The following APIP variants were observed in gnomAD, a reference collection of about 807,000 sequenced individuals.
The protein encoded by APIP is methylthioribulose-1-phosphate dehydratase.
Under a neutral mutation model 32.0 loss-of-function variants are expected in APIP, and 32 were observed. That is an observed-to-expected ratio of 1.00 (90% CI 0.76 to 1.34). APIP has a LOEUF of 1.34. APIP is among the 40% of genes most tolerant of loss of function. The probability of loss-of-function intolerance (pLI) is 0.00; values close to 1 mark genes in which losing one functional copy is unlikely to be tolerated. For missense variants in APIP, 247 were observed against 298.6 expected, an observed-to-expected ratio of 0.83 and a Z score of 1.27; for synonymous variants, 92 against 94.8, an observed-to-expected ratio of 0.97 and a Z score of 0.17.
intron 1 of APIP, among the ~76,000 whole-genome samples, chr11:34,907,894 G>C (rs1310368310): frequency 3.3e-5 from 5 of 151,908 alleles, no homozygotes; most frequent in Non-Finnish European, 7.4e-5. Flanking sequence ...GTTATTTTAA[G>C]GAAATCAGCC....
chr11:34,913,780 AT>A (rs1481830367), intron 1 of APIP, among the ~76,000 whole-genome samples: 1 of 152,138 alleles, frequency 6.6e-6, no homozygotes, highest in Non-Finnish European at 1.5e-5. Context: ...CAAAGAGCTG[AT>A]TGGTGGGTTT....
At chr11:34,895,762 A>AGAT (rs397765479) in intron 1 of APIP, among the ~76,000 whole-genome samples, 38 of 151,964 alleles carry the variant, frequency 2.5e-4, no homozygotes, top group Non-Finnish European at 2.2e-4. Context: ...ACAGACAGAT[A>AGAT]AATATCAAGT....
At chr11:34,889,107 CAG>C (rs1280461055) in intron 3 of APIP, among the ~76,000 whole-genome samples, 1 of 151,714 alleles carries the variant, frequency 6.6e-6, no homozygotes, top group Non-Finnish European at 1.5e-5. Context: ...AGAAATAAAA[CAG>C]TGATTTCTAC....
chr11:34,906,780 G>C (rs78784327), intron 1 of APIP, among the ~76,000 whole-genome samples: 6,361 of 152,260 alleles, frequency 0.042, 193 homozygotes, highest in Non-Finnish European at 0.067. Context: ...GAACACGCAG[G>C]CTTCAGCCCC....
intron 1 of APIP, among the ~76,000 whole-genome samples, chr11:34,898,941 G>C (rs1237711066): frequency 1.3e-5 from 2 of 152,006 alleles, no homozygotes; most frequent in Non-Finnish European, 2.9e-5. Flanking sequence ...TGGGACTACA[G>C]GCGCCCGCCA....
intron 1 of APIP, among the ~76,000 whole-genome samples, chr11:34,911,052 A>C (rs1302005057): frequency 3.9e-5 from 6 of 152,228 alleles, no homozygotes; most frequent in Admixed American, 3.9e-4. Context: ...GGACTGTCAC[A>C]TGCTACTCAG....
At chr11:34,908,355 C>T (rs1272871911) in intron 1 of APIP, among the ~76,000 whole-genome samples, 2 of 152,212 alleles carry the variant, frequency 1.3e-5, no homozygotes, top group African/African-American at 2.4e-5. Flanking sequence ...ACTTATTTTC[C>T]TGACACTGGG....
intron 1 of APIP, among the ~76,000 whole-genome samples, chr11:34,899,069 G>T (rs1418051556): frequency 6.6e-6 from 1 of 151,380 alleles, no homozygotes; most frequent in Non-Finnish European, 1.5e-5. Context: ...AAAGTGCTGG[G>T]ATTACAAGCC....
intron 1 of APIP, among the ~76,000 whole-genome samples, chr11:34,912,833 T>TTA (rs1853578688): frequency 6.6e-6 from 1 of 152,070 alleles, no homozygotes; most frequent in Non-Finnish European, 1.5e-5. Context: ...AAACTTCCCT[T>TTA]TATATATATA....
intron 1 of APIP, among the ~76,000 whole-genome samples, chr11:34,901,569 A>C (rs1305540294): frequency 6.6e-6 from 1 of 152,202 alleles, no homozygotes; most frequent in Non-Finnish European, 1.5e-5. Context: ...GTATGACTAT[A>C]AGGGGTGTCT....
rs555684973 is a variant in APIP, at chr11:34,908,730, T to G, written c.57+7498A>C. 4.6e-5 allele frequency among the ~76,000 whole-genome samples: 7 copies of G among 152,332 alleles called. No individual in the cohort carries two copies. The South Asian group carries it at 1.4e-3, about 32-fold the overall frequency. ...CCAGTAGTCTGTTCTATGTTGGTAT[T>G]TCTTATATCTGTCTTAATGAAGGAC... is the stretch of plus-strand genomic sequence containing the variant. On this transcript the variant is annotated intron_variant, in intron 1 of 6. Coordinates refer to ENST00000395787, the MANE Select transcript of APIP (RefSeq NM_015957.4).
intron 1 of APIP, among the ~76,000 whole-genome samples, chr11:34,910,815 A>C (rs960766146): frequency 5.9e-5 from 9 of 152,154 alleles, no homozygotes; most frequent in Non-Finnish European, 1.3e-4. Flanking sequence ...AGGCAGAGCC[A>C]GAATTTGAAC....
At chr11:34,915,923 T>G in intron 1 of APIP, 1 of 485,078 alleles carries the variant, frequency 2.1e-6, no homozygotes, top group Non-Finnish European at 3.6e-6. Flanking sequence ...TGGCCTGCCT[T>G]CCTGATAAAT....
At chr11:34,894,904 A>T (rs1036197546) in intron 2 of APIP, 106 bp downstream of exon 2, 4 of 962,306 alleles carry the variant, frequency 4.2e-6, no homozygotes, top group Non-Finnish European at 6.5e-6. Flanking sequence ...GACCTTCAGT[A>T]TCACATAAAA....
intron 2 of APIP, 94 bp from the exon 3 acceptor site, chr11:34,890,646 T>C: frequency 7.5e-7 from 1 of 1,333,822 alleles, no homozygotes; most frequent in Non-Finnish European, 1.0e-6. Flanking sequence ...TCTTTATAAA[T>C]CAAGCAATAC....
At chr11:34,888,025 A>C (rs2985391) in intron 5 of APIP, among the ~76,000 whole-genome samples, 91,282 of 151,922 alleles carry the variant, frequency 0.6, 28,455 homozygotes, top group East Asian at 0.74. Context: ...CATGATAGAG[A>C]TCTCAGTCAA....
chr11:34,916,244 C>G lies in APIP; in HGVS notation c.41G>C (p.Arg14Pro). The change falls in exon 1 of 7, where the codon CGG becomes CCG. Residue 14 changes from arginine (R) to proline (P), a missense_variant. Arg to Pro is a moderately radical substitution (Grantham distance 103, BLOSUM62 -2). Coordinates refer to ENST00000395787, the MANE Select transcript of APIP (RefSeq NM_015957.4). ...CGCCCCTACCTGCGCGCCGCATCTCCGGGAACAACAGTCTCCCTCCCGAGC... is the reference window on the plus strand; with the variant it reads ...CGCCCCTACCTGCGCGCCGCATCTCGGGGAACAACAGTCTCCCTCCCGAGC... ...CDAREGDCCS[R>P]RCGAQDKEHP... 1 of 1,612,282 alleles carries G rather than the reference C, an allele frequency of 6.2e-7. No individual in the cohort carries two copies. Among genetic ancestry groups the G allele is most frequent in the Non-Finnish European group, 8.5e-7 (1 of 1,179,440 alleles).
intron 1 of APIP, among the ~76,000 whole-genome samples, chr11:34,904,343 C>G (rs1489597678): frequency 6.6e-6 from 1 of 152,188 alleles, no homozygotes; most frequent in Non-Finnish European, 1.5e-5. Flanking sequence ...CTCCATTGTG[C>G]TTGGAGACCC....
chr11:34,890,753 A>G, intron 2 of APIP: 1 of 429,740 alleles, frequency 2.3e-6, no homozygotes, highest in Non-Finnish European at 4.1e-6. Context: ...GTAGAATATT[A>G]GTTGTTGCTT....
Sources: gnomAD v4.1 joint callset for allele counts (sites outside exome capture counted in the v4.1 genomes callset) on GRCh38, gnomAD v4.1.1 for gene constraint, MANE v1.5 for transcripts, NCBI Gene and HGNC (gene_info 2026-07-23, HGNC 2026-07-21) for gene names.